SAMTOR: variants seen among roughly 807,000 people sequenced by gnomAD.
SAMTOR encodes UPF0532 protein C7orf60.
chr7:112,900,354 G>C, the SAMTOR span, among the ~76,000 whole-genome samples: 1 of 152,190 alleles, frequency 6.6e-6, no homozygotes, highest in Non-Finnish European at 1.5e-5. Flanking sequence ...CTAAGAACCA[G>C]AAGTGTCAAT....
At chr7:112,937,773 T>A in the SAMTOR span, among the ~76,000 whole-genome samples, 2 of 146,496 alleles carry the variant, frequency 1.4e-5, no homozygotes, top group Non-Finnish European at 3.0e-5. Flanking sequence ...AGAAGCATAC[T>A]AGATCATTCA....
chr7:112,854,628 A>G, the SAMTOR span, among the ~76,000 whole-genome samples: 1 of 152,192 alleles, frequency 6.6e-6, no homozygotes, highest in Non-Finnish European at 1.5e-5. Context: ...AAGCTACACA[A>G]AGAATGTAAC....
chr7:112,885,714 T>G, the SAMTOR span, among the ~76,000 whole-genome samples: 1 of 152,190 alleles, frequency 6.6e-6, no homozygotes, highest in African/African-American at 2.4e-5. Context: ...TCTGAGCCCT[T>G]CAAGTCTCTT....
chr7:112,906,389 G>A, the SAMTOR span, among the ~76,000 whole-genome samples: 199 of 152,200 alleles, frequency 1.3e-3, no homozygotes, highest in Middle Eastern at 6.8e-3. Flanking sequence ...TCATTATGCA[G>A]TGCATAGCTG....
At chr7:112,840,242 T>C in the SAMTOR span, among the ~76,000 whole-genome samples, 1 of 151,962 alleles carries the variant, frequency 6.6e-6, no homozygotes, top group South Asian at 2.1e-4. Flanking sequence ...AGTAATTCCA[T>C]GTTTTTGATT....
the SAMTOR span, among the ~76,000 whole-genome samples, chr7:112,822,787 A>C: frequency 1.3e-5 from 2 of 152,276 alleles, no homozygotes; most frequent in South Asian, 4.1e-4. Flanking sequence ...AAGATGAATC[A>C]AATAAAGAGG....
the SAMTOR span, among the ~76,000 whole-genome samples, chr7:112,923,577 A>G: frequency 2.9e-3 from 444 of 152,348 alleles, 2 homozygotes; most frequent in African/African-American, 0.01. Context: ...AAATAGGAAC[A>G]CTTTTACACT....
the SAMTOR span, among the ~76,000 whole-genome samples, chr7:112,921,165 C>T: frequency 6.6e-6 from 1 of 152,192 alleles, no homozygotes; most frequent in Admixed American, 6.5e-5. Flanking sequence ...AAGAACAAAG[C>T]TGGAGGCATC....
the SAMTOR span, chr7:112,915,462 A>G: frequency 6.4e-7 from 1 of 1,569,314 alleles, no homozygotes; most frequent in Non-Finnish European, 8.6e-7. Context: ...AAACAAAGTG[A>G]TAAATGAATT....
At chr7:112,828,797 A>G in the SAMTOR span, among the ~76,000 whole-genome samples, 14 of 152,172 alleles carry the variant, frequency 9.2e-5, no homozygotes, top group African/African-American at 2.9e-4. Context: ...AAGCTTGCTA[A>G]TATTGAATTT....
At chr7:112,898,479 C>T in the SAMTOR span, among the ~76,000 whole-genome samples, 2 of 152,186 alleles carry the variant, frequency 1.3e-5, no homozygotes, top group African/African-American at 4.8e-5. Flanking sequence ...TAAAACAAAG[C>T]ACCAGGCAGA....
At chr7:112,881,986 A>T in the SAMTOR span, among the ~76,000 whole-genome samples, 1 of 152,242 alleles carries the variant, frequency 6.6e-6, no homozygotes, top group African/African-American at 2.4e-5. Flanking sequence ...TCCCTGAGCC[A>T]AGGCTGTGAA....
chr7:112,850,525 C>A, the SAMTOR span, among the ~76,000 whole-genome samples: 1 of 152,048 alleles, frequency 6.6e-6, no homozygotes, highest in Non-Finnish European at 1.5e-5. Flanking sequence ...GAACTTGGTC[C>A]TTGGCTTTTT....
the SAMTOR span, among the ~76,000 whole-genome samples, chr7:112,825,535 G>A: frequency 3.3e-5 from 5 of 152,008 alleles, no homozygotes; most frequent in Admixed American, 1.3e-4. Flanking sequence ...TATTGATCTT[G>A]TCTCTTGCAA....
At chr7:112,894,877 C>G in the SAMTOR span, among the ~76,000 whole-genome samples, 2 of 152,136 alleles carry the variant, frequency 1.3e-5, no homozygotes, top group Non-Finnish European at 2.9e-5. Flanking sequence ...AGGGTTGCCA[C>G]AAACCTTCAA....
chr7:112,838,079 C>A, the SAMTOR span, among the ~76,000 whole-genome samples: 1 of 151,848 alleles, frequency 6.6e-6, no homozygotes, highest in Non-Finnish European at 1.5e-5. Flanking sequence ...AAATGTAACA[C>A]CAAATAGGCT....
At chr7:112,855,623 T>A in the SAMTOR span, among the ~76,000 whole-genome samples, 1 of 152,188 alleles carries the variant, frequency 6.6e-6, no homozygotes, top group Admixed American at 6.5e-5. Flanking sequence ...CACTGCCCCC[T>A]CCGTTTTCAA....
the SAMTOR span, among the ~76,000 whole-genome samples, chr7:112,921,090 A>G: frequency 1.3e-5 from 2 of 152,202 alleles, no homozygotes; most frequent in Admixed American, 1.3e-4. Flanking sequence ...GAATTGGAAA[A>G]AACTACTTTA....
chr7:112,854,976 C>G, the SAMTOR span, among the ~76,000 whole-genome samples: 1 of 152,118 alleles, frequency 6.6e-6, no homozygotes, highest in East Asian at 1.9e-4. Flanking sequence ...CTTTGTGTTG[C>G]TATCATCATG....
Sources: allele counts gnomAD v4.1 joint callset (sites outside exome capture counted in the v4.1 genomes callset), GRCh38; gene constraint gnomAD v4.1.1; transcripts MANE v1.5; gene names NCBI Gene and HGNC (gene_info 2026-07-23, HGNC 2026-07-21).